The following NAV2 variants were observed in gnomAD, a reference collection of about 807,000 sequenced individuals.
NAV2 encodes the protein neuron navigator 2.
NAV2 carries 54 observed loss-of-function variants against 223.2 expected under a neutral mutation model. The ratio of observed to expected loss-of-function variants is 0.24; its 90% CI spans 0.19 to 0.30. The LOEUF is 0.30. Ranked by LOEUF, NAV2 falls within the 10% of genes least tolerant of loss-of-function variation. The pLI, the probability that NAV2 is intolerant of heterozygous loss-of-function variation, is 1.00. For synonymous variants in NAV2, 1,279 were observed against 1,239.3 expected (o/e 1.03, Z -0.67); for missense variants, 2,806 against 3,147.5 (o/e 0.89, Z 2.60).
At chr11:19,708,916 GA>G (rs969355405), upstream of NAV2, among the ~76,000 whole-genome samples, 2 of 146,166 alleles carry the variant, frequency 1.4e-5, no homozygotes, top group East Asian at 2.0e-4. Context: ...AAAAAAAAAA[GA>G]AAAAAAGAAA....
At chr11:19,864,159 G>T (rs543382772) in intron 3 of NAV2, among the ~76,000 whole-genome samples, 1 of 152,192 alleles carries the variant, frequency 6.6e-6, no homozygotes, top group Admixed American at 6.5e-5. Context: ...TAATGCAGCA[G>T]CTGTTTGCCT....
At chr11:19,776,626 C>T (rs1262729767) in intron 1 of NAV2, among the ~76,000 whole-genome samples, 2 of 23,782 alleles carry the variant, frequency 8.4e-5, no homozygotes, top group African/African-American at 1.5e-4. Flanking sequence ...TTGTGGGGGT[C>T]AGAAAATGTG....
chr11:19,347,802 C>T (rs887029747), upstream of NAV2, among the ~76,000 whole-genome samples: 6 of 152,204 alleles, frequency 3.9e-5, no homozygotes, highest in Admixed American at 3.3e-4. Flanking sequence ...TCTTTCAGTT[C>T]ATTTTCATTC....
intron 1 of NAV2, among the ~76,000 whole-genome samples, chr11:19,616,033 C>G (rs1264947502): frequency 6.6e-6 from 1 of 152,162 alleles, no homozygotes; most frequent in Non-Finnish European, 1.5e-5. Context: ...ACAGCCCACA[C>G]ACAGCCACAC....
intron 1 of NAV2, among the ~76,000 whole-genome samples, chr11:19,383,347 G>A (rs1350028877): frequency 1.3e-5 from 2 of 152,218 alleles, no homozygotes; most frequent in Non-Finnish European, 2.9e-5. Flanking sequence ...GCAGTAGCCT[G>A]AGTACTTGAA....
intron 1 of NAV2, chr11:19,351,063 G>A: frequency 7.2e-7 from 1 of 1,389,358 alleles, no homozygotes; most frequent in Non-Finnish European, 9.4e-7. Context: ...ATTGGATTAT[G>A]GTGCTGATTG....
intron 1 of NAV2, among the ~76,000 whole-genome samples, chr11:19,449,999 G>T (rs1341471968): frequency 6.6e-6 from 1 of 152,086 alleles, no homozygotes; most frequent in Admixed American, 6.6e-5. Flanking sequence ...AAGGGATGCC[G>T]ATCTGAAAAC....
chr11:19,760,610 A>G (rs2054655750), intron 1 of NAV2, among the ~76,000 whole-genome samples: 1 of 152,130 alleles, frequency 6.6e-6, no homozygotes, highest in Non-Finnish European at 1.5e-5. Context: ...CCCTCTGTAG[A>G]ATGGAGTCCC....
chr11:20,009,654 C>T (rs1434807179), intron 11 of NAV2, among the ~76,000 whole-genome samples: 2 of 152,130 alleles, frequency 1.3e-5, no homozygotes, highest in African/African-American at 4.8e-5. Flanking sequence ...CTTCCGATCC[C>T]CCTTGGATAA....
In NAV2 at chr11:19,712,878, C is replaced by G. The variant is rs1352965747; in HGVS notation, c.-818C>G. Among the ~76,000 whole-genome samples the G allele has an allele frequency of 6.6e-6, 1 of 151,116 alleles. No homozygotes were observed. Among genetic ancestry groups the G allele is most frequent in the Non-Finnish European group, 1.5e-5 (1 of 67,748 alleles). On this transcript the variant is annotated 5_prime_UTR_variant, in exon 1 of 38. Transcript: ENST00000349880. ...AGCCCCGCAGCCAGCGCAGCCTTCC[C>G]GGGAAGCGCGGCGGCCGCTCCCGAG...
At chr11:19,489,072 C>T (rs1418293509) in intron 1 of NAV2, among the ~76,000 whole-genome samples, 9 of 152,232 alleles carry the variant, frequency 5.9e-5, no homozygotes, top group Non-Finnish European at 1.3e-4. Context: ...ATCTCTTCTA[C>T]TGTCTGAGGG....
chr11:19,365,785 A>G (rs1848257322), intron 1 of NAV2, among the ~76,000 whole-genome samples: 1 of 152,246 alleles, frequency 6.6e-6, no homozygotes, highest in African/African-American at 2.4e-5. Flanking sequence ...AAATACACTT[A>G]GTGTTTTGCT....
At chr11:19,523,945 C>A (rs1433084773) in intron 1 of NAV2, among the ~76,000 whole-genome samples, 2 of 152,230 alleles carry the variant, frequency 1.3e-5, no homozygotes, top group Admixed American at 1.3e-4. Flanking sequence ...AGCTTCTGGT[C>A]TTCCTTTAAG....
At chr11:19,665,162 CAA>C (rs2048376935) in intron 1 of NAV2, among the ~76,000 whole-genome samples, 1 of 152,160 alleles carries the variant, frequency 6.6e-6, no homozygotes, top group East Asian at 1.9e-4. Flanking sequence ...GATGCCAAAT[CAA>C]GAGAACAGAA....
At chr11:20,054,564 G>A (rs1170508840) in intron 18 of NAV2, among the ~76,000 whole-genome samples, 3 of 152,088 alleles carry the variant, frequency 2.0e-5, no homozygotes, top group Non-Finnish European at 4.4e-5. Context: ...TCTTTATTTG[G>A]TTGATATTGG....
At chr11:19,598,043 C>T (rs968534912) in intron 1 of NAV2, among the ~76,000 whole-genome samples, 1 of 152,236 alleles carries the variant, frequency 6.6e-6, no homozygotes, top group Admixed American at 6.5e-5. Flanking sequence ...TGCCCTTCTG[C>T]TGCCCTGGGG....
At chr11:19,396,897 A>G (rs1564904230) in intron 1 of NAV2, among the ~76,000 whole-genome samples, 1 of 152,262 alleles carries the variant, frequency 6.6e-6, no homozygotes, top group East Asian at 1.9e-4. Context: ...CTACATTTGG[A>G]CTTAGATATG....
At chr11:19,510,510 C>CTA (rs1564999561) in intron 1 of NAV2, among the ~76,000 whole-genome samples, 1 of 152,208 alleles carries the variant, frequency 6.6e-6, no homozygotes, top group East Asian at 1.9e-4. Flanking sequence ...TCGGGCGATC[C>CTA]TAGCAGATGC....
At chr11:19,739,768 A>G (rs1331488402) in intron 1 of NAV2, among the ~76,000 whole-genome samples, 1 of 152,082 alleles carries the variant, frequency 6.6e-6, no homozygotes, top group Non-Finnish European at 1.5e-5. Flanking sequence ...AACAGAGGAG[A>G]CTGGTAGTGT....
Sources: allele counts gnomAD v4.1 joint callset (sites outside exome capture counted in the v4.1 genomes callset), GRCh38; gene constraint gnomAD v4.1.1; transcripts MANE v1.5; gene names NCBI Gene and HGNC (gene_info 2026-07-23, HGNC 2026-07-21).